UNC13C: variants seen among roughly 807,000 people sequenced by gnomAD.
UNC13C encodes unc-13 homolog C.
UNC13C carries 174 observed loss-of-function variants against 245.4 expected under a neutral mutation model. That is an observed-to-expected ratio of 0.71 (90% confidence interval 0.63 to 0.80). The LOEUF (loss-of-function observed/expected upper bound fraction) is 0.80, where lower values mean the gene tolerates loss of function less well. UNC13C is among the 30% of genes least tolerant of loss of function. The probability of loss-of-function intolerance (pLI) is 0.00; values close to 1 mark genes in which losing one functional copy is unlikely to be tolerated. For synonymous variants in UNC13C, 992 were observed against 895.1 expected (o/e 1.11, Z -1.93); for missense variants, 2,829 against 2,602.9 (o/e 1.09, Z -1.89).
intron 4 of UNC13C, among the ~76,000 whole-genome samples, chr15:54,169,950 C>G (rs1306844629): frequency 6.6e-6 from 1 of 151,126 alleles, no homozygotes; most frequent in Non-Finnish European, 1.5e-5. Context: ...TCCTCTCCCA[C>G]AAGGTTGTAA....
At chr15:54,069,522 C>T (rs566170472) in intron 2 of UNC13C, among the ~76,000 whole-genome samples, 3 of 152,288 alleles carry the variant, frequency 2.0e-5, no homozygotes, top group African/African-American at 7.2e-5. Flanking sequence ...CTAAATTGCT[C>T]TCATGTATAT....
chr15:54,569,287 G>A (rs1897648894), intron 30 of UNC13C, among the ~76,000 whole-genome samples: 1 of 151,970 alleles, frequency 6.6e-6, no homozygotes. Flanking sequence ...ACGTCCCACG[G>A]ATAACAAAAT....
intron 4 of UNC13C, among the ~76,000 whole-genome samples, chr15:54,208,169 A>G (rs1361850585): frequency 6.6e-6 from 1 of 152,040 alleles, no homozygotes; most frequent in Non-Finnish European, 1.5e-5. Flanking sequence ...AAGAGGTGCC[A>G]CATACTCTTA....
At chr15:54,127,259 T>G (rs779540162) in intron 2 of UNC13C, among the ~76,000 whole-genome samples, 5 of 152,160 alleles carry the variant, frequency 3.3e-5, no homozygotes, top group Non-Finnish European at 7.3e-5. Context: ...TGCACACATA[T>G]GTTTATTGTA....
the UNC13C span, among the ~76,000 whole-genome samples, chr15:53,839,845 T>G: frequency 6.6e-6 from 1 of 152,234 alleles, no homozygotes; most frequent in African/African-American, 2.4e-5. Context: ...TTGATACGGA[T>G]GTGTAATTTA....
At chr15:54,518,797 A>G (rs186319456) in intron 24 of UNC13C, among the ~76,000 whole-genome samples, 22 of 152,344 alleles carry the variant, frequency 1.4e-4, no homozygotes, top group African/African-American at 4.8e-4. Flanking sequence ...GAATGTGAAG[A>G]AACAGCCAAA....
rs559744732 is a variant in UNC13C, at chr15:54,305,082, A to G, written c.4268+4709A>G. On this transcript the variant is annotated intron_variant, in intron 13 of 32. Transcript: ENST00000260323. ...AATTGAAATTTTGAAGAGAGAAATC[A>G]TATCTTTCATTACTGCTTCATAAGA... Among the ~76,000 whole-genome samples, 184 of 152,210 alleles carry G rather than the reference A, an allele frequency of 1.2e-3. 6 individuals are homozygous for G. The South Asian group carries it at 0.038, about 32-fold the overall frequency.
chr15:54,235,746 G>A (rs1264511819), intron 5 of UNC13C, among the ~76,000 whole-genome samples: 4 of 152,270 alleles, frequency 2.6e-5, no homozygotes, highest in African/African-American at 9.6e-5. Context: ...AGCTACTCTG[G>A]AGGCTGAGGC....
chr15:54,333,058 A>T (rs897557746), intron 15 of UNC13C, among the ~76,000 whole-genome samples: 4 of 151,998 alleles, frequency 2.6e-5, no homozygotes, highest in Admixed American at 6.6e-5. Flanking sequence ...TCATAGGCAC[A>T]CTAACCCTGT....
At chr15:54,241,961 A>C (rs1187876405) in intron 7 of UNC13C, among the ~76,000 whole-genome samples, 1 of 152,184 alleles carries the variant, frequency 6.6e-6, no homozygotes, top group Non-Finnish European at 1.5e-5. Flanking sequence ...ACGGACTTTG[A>C]CTTGAGATCC....
chr15:54,483,154 AT>A (rs1893220348), intron 19 of UNC13C, among the ~76,000 whole-genome samples: 1 of 151,980 alleles, frequency 6.6e-6, no homozygotes, highest in Admixed American at 6.5e-5. Flanking sequence ...TTGTTTTCTT[AT>A]TTCATAGAAA....
rs534199569 is a variant in UNC13C, at chr15:54,117,350, C to T, written c.2984-25668C>T. 5.9e-5 allele frequency among the ~76,000 whole-genome samples: 9 copies of T among 152,102 alleles called. No homozygotes were observed. The South Asian group carries it at 1.9e-3, about 32-fold the overall frequency. ...AGGTCTTACACAAAAATCCTTTGCC[C>T]AGTCTGATGTTCTCAAGTGTTTTTC... On this transcript the variant is annotated intron_variant, in intron 2 of 32. Transcript: ENST00000260323.
chr15:54,290,565 ATAT>A (rs1455837568), intron 10 of UNC13C, among the ~76,000 whole-genome samples: 1 of 152,058 alleles, frequency 6.6e-6, no homozygotes, highest in Non-Finnish European at 1.5e-5. Flanking sequence ...AAGAAAGATA[ATAT>A]TGTCTCTCCC....
chr15:54,183,624 A>T (rs2033872380), intron 4 of UNC13C, among the ~76,000 whole-genome samples: 1 of 152,064 alleles, frequency 6.6e-6, no homozygotes, highest in African/African-American at 2.4e-5. Flanking sequence ...GCATTTATAG[A>T]ACTGAAGGAC....
intron 4 of UNC13C, among the ~76,000 whole-genome samples, chr15:54,170,728 C>A (rs547757207): frequency 6.6e-6 from 1 of 152,222 alleles, no homozygotes; most frequent in East Asian, 1.9e-4. Flanking sequence ...CTAGAGAGAA[C>A]GTGGCAATGA....
At chr15:54,595,448 C>T (rs932127449) in intron 30 of UNC13C, among the ~76,000 whole-genome samples, 1 of 152,052 alleles carries the variant, frequency 6.6e-6, no homozygotes, top group Admixed American at 6.5e-5. Context: ...TCCCTGCAGC[C>T]GCCTTCCTTC....
the UNC13C span, among the ~76,000 whole-genome samples, chr15:53,840,004 C>T: frequency 2.6e-5 from 4 of 152,198 alleles, no homozygotes; most frequent in Non-Finnish European, 5.9e-5. Context: ...AGACTCATAT[C>T]TCTAGGTTTC....
At chr15:54,597,058 A>G (rs1302291131) in intron 30 of UNC13C, among the ~76,000 whole-genome samples, 1 of 152,212 alleles carries the variant, frequency 6.6e-6, no homozygotes, top group East Asian at 1.9e-4. Flanking sequence ...GACTGGTTTC[A>G]TCTTGGGCAG....
At chr15:53,981,678 G>T (rs10518746) in intron 1 of UNC13C, among the ~76,000 whole-genome samples, 18,871 of 152,140 alleles carry the variant, frequency 0.12, 1,505 homozygotes, top group East Asian at 0.29. Context: ...GAATGCAAAA[G>T]ACTGATCACC....
Sources: allele counts gnomAD v4.1 joint callset (sites outside exome capture counted in the v4.1 genomes callset), GRCh38; gene constraint gnomAD v4.1.1; transcripts MANE v1.5; gene names NCBI Gene and HGNC (gene_info 2026-07-23, HGNC 2026-07-21).